Variants in CACNA2D3 observed in about 807,000 individuals in gnomAD.
The protein encoded by CACNA2D3 is voltage-dependent calcium channel subunit alpha-2/delta-3.
Under a neutral mutation model 160.6 loss-of-function variants are expected in CACNA2D3, and 60 were observed. The observed-to-expected ratio is 0.37, with a 90% confidence interval of 0.30 to 0.46. CACNA2D3 has a LOEUF of 0.46. Among genes scored for constraint, CACNA2D3 ranks in the 20% least tolerant of loss-of-function variants. The pLI is 1.00. For missense variants in CACNA2D3, 1,205 were observed against 1,365.0 expected (o/e 0.88, Z 1.85); for synonymous variants, 558 against 492.9 (o/e 1.13, Z -1.75).
chr3:54,592,670 T>C (rs1408135312), intron 9 of CACNA2D3, among the ~76,000 whole-genome samples: 4 of 151,906 alleles, frequency 2.6e-5, no homozygotes, highest in African/African-American at 9.7e-5. Flanking sequence ...GGTTTTATAA[T>C]GAAGATGTCC....
chr3:54,878,087 C>T (rs1016965433), intron 18 of CACNA2D3, among the ~76,000 whole-genome samples: 1 of 152,144 alleles, frequency 6.6e-6, no homozygotes, highest in Non-Finnish European at 1.5e-5. Context: ...AGAATGCAAA[C>T]CCAAATCTAG....
At chr3:54,197,245 A>G (rs1328114791) in intron 2 of CACNA2D3, 1 of 152,166 alleles carries the variant, frequency 6.6e-6, no homozygotes, top group Non-Finnish European at 1.5e-5. Flanking sequence ...CTTCAAGCAG[A>G]AAAGCAGAAC....
At chr3:54,709,851 A>G (rs555644260) in intron 11 of CACNA2D3, among the ~76,000 whole-genome samples, 1 of 152,288 alleles carries the variant, frequency 6.6e-6, no homozygotes, top group East Asian at 1.9e-4. Context: ...ACTTGATCCT[A>G]GGAGTTTGAG....
At chr3:54,997,991 C>T (rs1702896033) in intron 31 of CACNA2D3, among the ~76,000 whole-genome samples, 1 of 152,182 alleles carries the variant, frequency 6.6e-6, no homozygotes, top group Non-Finnish European at 1.5e-5. Context: ...GACTAATAAT[C>T]CAGCCCCTTT....
intron 27 of CACNA2D3, among the ~76,000 whole-genome samples, chr3:54,962,923 G>A (rs961455655): frequency 4.6e-5 from 7 of 152,096 alleles, no homozygotes; most frequent in African/African-American, 1.7e-4. Flanking sequence ...AAATGAATAC[G>A]ATATGAGAAA....
chr3:54,811,459 T>A (rs1575489483), intron 13 of CACNA2D3, among the ~76,000 whole-genome samples: 1 of 140,502 alleles, frequency 7.1e-6, no homozygotes, highest in Non-Finnish European at 1.5e-5. Context: ...CTGTTCTCCC[T>A]CAGTTCTTTT....
intron 2 of CACNA2D3, among the ~76,000 whole-genome samples, chr3:54,127,620 G>T (rs1321297922): frequency 1.3e-5 from 2 of 152,202 alleles, no homozygotes; most frequent in Non-Finnish European, 2.9e-5. Flanking sequence ...TTGCCATCCT[G>T]AATGATAAAT....
chr3:54,122,701 G>A lies in CACNA2D3; in HGVS notation c.-13G>A. 8.6e-7 allele frequency: 1 copy of A among 1,160,016 alleles called. No individual in the cohort carries two copies. Among genetic ancestry groups the A allele is most frequent in the Non-Finnish European group, 1.1e-6 (1 of 942,738 alleles). 71.9% of individuals were successfully genotyped at this position (1,160,016 alleles called of 1,614,324 possible). On this transcript the variant is annotated 5_prime_UTR_variant, in exon 1 of 38. Coordinates refer to ENST00000474759, the MANE Select transcript of CACNA2D3 (RefSeq NM_018398.3). ...CGTCGCCGCCGCAGCGGGCGCGTCG[G>A]AGGGAGCCCAGCATGGCCGGGCCGG... is the stretch of plus-strand genomic sequence containing the variant.
intron 4 of CACNA2D3, among the ~76,000 whole-genome samples, chr3:54,492,190 T>C (rs1458918851): frequency 1.3e-5 from 2 of 152,098 alleles, no homozygotes; most frequent in Admixed American, 6.5e-5. Context: ...CCACTTTCTG[T>C]GACAGTGGCA....
intron 4 of CACNA2D3, among the ~76,000 whole-genome samples, chr3:54,390,565 A>T (rs1699261953): frequency 6.6e-6 from 1 of 152,232 alleles, no homozygotes. Flanking sequence ...TGCCATTCAC[A>T]CTGGTGCTCC....
chr3:54,601,011 G>C (rs190809368), intron 9 of CACNA2D3, among the ~76,000 whole-genome samples: 2 of 152,208 alleles, frequency 1.3e-5, no homozygotes, highest in Admixed American at 6.5e-5. Flanking sequence ...GGAATTGCAC[G>C]ATCCAGAGTG....
intron 3 of CACNA2D3, among the ~76,000 whole-genome samples, chr3:54,383,631 A>G (rs1275449005): frequency 2.0e-5 from 3 of 152,222 alleles, no homozygotes; most frequent in African/African-American, 4.8e-5. Context: ...TCGGCAGCAC[A>G]TGTACTAAAA....
chr3:54,543,641 C>A (rs955734650), intron 5 of CACNA2D3, among the ~76,000 whole-genome samples: 2 of 152,208 alleles, frequency 1.3e-5, no homozygotes, highest in African/African-American at 4.8e-5. Context: ...GCCAGTGTGA[C>A]AGCACAGCTT....
chr3:54,933,078 TTCCTTCCTTCCTTCCTTC>T (rs1701240119), intron 27 of CACNA2D3, among the ~76,000 whole-genome samples: 1 of 138,508 alleles, frequency 7.2e-6, no homozygotes, highest in Non-Finnish European at 1.5e-5. Context: ...CCTTCCTTCC[TTCCTTCCTTCCTTCCTTC>T]CTTCCTTCCT....
At position 54,764,398 on chromosome 3, in the gene CACNA2D3, C is replaced by T. The variant is rs533124956; in HGVS notation, c.1380+47C>T. The T allele has an allele frequency of 1.7e-5, 28 of 1,602,252 alleles. No individual in the cohort carries two copies. In the East Asian group the frequency reaches 3.8e-4, roughly 22 times the overall value. On this transcript the variant is annotated intron_variant, in intron 13 of 37. Coordinates refer to ENST00000474759, the MANE Select transcript of CACNA2D3 (RefSeq NM_018398.3). ...AAAGAGGCTAAGCTTTACCCCCATC[C>T]CCAAATTGTGTTAATTCCAGAAAAT...
At chr3:54,701,892 G>T (rs1369087544) in intron 11 of CACNA2D3, among the ~76,000 whole-genome samples, 5 of 152,038 alleles carry the variant, frequency 3.3e-5, no homozygotes, top group Non-Finnish European at 5.9e-5. Flanking sequence ...AAACAGCATG[G>T]TACTGGTACA....
At chr3:54,126,349 A>C (rs1265328124) in intron 2 of CACNA2D3, among the ~76,000 whole-genome samples, 1 of 152,218 alleles carries the variant, frequency 6.6e-6, no homozygotes, top group Non-Finnish European at 1.5e-5. Context: ...AGGTGATATA[A>C]TTTGAGGTAG....
At chr3:54,883,029 G>C (rs2694110) in intron 21 of CACNA2D3, among the ~76,000 whole-genome samples, 1 of 151,768 alleles carries the variant, frequency 6.6e-6, no homozygotes, top group African/African-American at 2.4e-5. Flanking sequence ...GTATCTTTTT[G>C]TGTGTGTGTG....
chr3:54,767,696 A>G (rs1000353695), intron 13 of CACNA2D3, among the ~76,000 whole-genome samples: 9 of 152,090 alleles, frequency 5.9e-5, no homozygotes, highest in African/African-American at 2.2e-4. Context: ...GATGATGACA[A>G]TAATAATAAT....
Sources: allele counts gnomAD v4.1 joint callset (sites outside exome capture counted in the v4.1 genomes callset), GRCh38; gene constraint gnomAD v4.1.1; transcripts MANE v1.5; gene names NCBI Gene and HGNC (gene_info 2026-07-23, HGNC 2026-07-21).